The following CSMD1 variants were observed in gnomAD, a reference collection of about 807,000 sequenced individuals.
The protein encoded by CSMD1 is CUB and Sushi multiple domains 1, also known as CUB and sushi domain-containing protein 1.
Under a neutral mutation model 417.5 loss-of-function variants are expected in CSMD1, and 213 were observed. That is an observed-to-expected ratio of 0.51 (90% CI 0.46 to 0.57). The LOEUF (loss-of-function observed/expected upper bound fraction) is 0.57, where lower values mean the gene tolerates loss of function less well. CSMD1 is among the 20% of genes least tolerant of loss of function. The pLI is 0.00. For missense variants in CSMD1, 6,923 were observed against 4,529.7 expected, an observed-to-expected ratio of 1.53 and a Z score of -15.17; for synonymous variants, 2,862 against 1,736.8, an observed-to-expected ratio of 1.65 and a Z score of -16.11.
chr8:4,189,863 G>C (rs373173997), intron 3 of CSMD1, among the ~76,000 whole-genome samples: 2 of 151,974 alleles, frequency 1.3e-5, no homozygotes, highest in East Asian at 1.9e-4. Context: ...ATTTTTTGTG[G>C]TACGTAATAC....
intron 52 of CSMD1, among the ~76,000 whole-genome samples, chr8:3,010,928 A>G (rs1457282701): frequency 1.3e-5 from 2 of 151,658 alleles, no homozygotes; most frequent in Non-Finnish European, 2.9e-5. Flanking sequence ...AGGTTTCACT[A>G]TGTTGGCCAG....
At chr8:4,338,294 T>C (rs1800287398) in intron 3 of CSMD1, among the ~76,000 whole-genome samples, 2 of 152,158 alleles carry the variant, frequency 1.3e-5, no homozygotes, top group Non-Finnish European at 2.9e-5. Flanking sequence ...AATGCAGTAG[T>C]TGAATATAGT....
chr8:3,145,864 A>T (rs1186508634), intron 40 of CSMD1, among the ~76,000 whole-genome samples: 3 of 152,192 alleles, frequency 2.0e-5, no homozygotes, highest in Non-Finnish European at 4.4e-5. Flanking sequence ...TCCCATTGGG[A>T]TTACATATTG....
intron 1 of CSMD1, among the ~76,000 whole-genome samples, chr8:4,907,550 C>G (rs200414130): frequency 1.5e-3 from 42 of 28,050 alleles, no homozygotes; most frequent in Non-Finnish European, 2.7e-3. Context: ...GTTTGTGTTT[C>G]TTTTTGTTGT....
intron 4 of CSMD1, among the ~76,000 whole-genome samples, chr8:4,026,169 A>G (rs79795465): frequency 1.3e-5 from 2 of 152,208 alleles, no homozygotes. Context: ...TTACACATTT[A>G]CAAGAATTAG....
chr8:3,212,361 A>G (rs1372276486), intron 30 of CSMD1, among the ~76,000 whole-genome samples: 1 of 152,118 alleles, frequency 6.6e-6, no homozygotes, highest in African/African-American at 2.4e-5. Flanking sequence ...AACACAAAAA[A>G]TAACGTTCTT....
At chr8:3,490,984 G>A (rs1002240732) in intron 11 of CSMD1, among the ~76,000 whole-genome samples, 1 of 152,064 alleles carries the variant, frequency 6.6e-6, no homozygotes, top group Non-Finnish European at 1.5e-5. Flanking sequence ...TTTTCAGGGG[G>A]GATAATTGGA....
intron 7 of CSMD1, among the ~76,000 whole-genome samples, chr8:3,626,251 A>T (rs1304825231): frequency 6.6e-6 from 1 of 152,162 alleles, no homozygotes; most frequent in Non-Finnish European, 1.5e-5. Flanking sequence ...AGGGCCTGTC[A>T]TTTCTGCTCT....
At chr8:3,404,193 G>C (rs1016021156) in intron 15 of CSMD1, among the ~76,000 whole-genome samples, 3 of 152,128 alleles carry the variant, frequency 2.0e-5, no homozygotes, top group African/African-American at 7.2e-5. Context: ...AATTAGCCAG[G>C]CGTGGTGGCA....
chr8:3,167,751 C>T (rs1369121620), intron 37 of CSMD1, among the ~76,000 whole-genome samples: 1 of 152,196 alleles, frequency 6.6e-6, no homozygotes, highest in Non-Finnish European at 1.5e-5. Flanking sequence ...TTAATGGCTT[C>T]ACCTACCACT....
In CSMD1 at chr8:3,511,631, G is replaced by A. The variant is rs560212863; in HGVS notation, c.1345-17905C>T. On this transcript the variant is annotated intron_variant, in intron 10 of 69. Coordinates refer to ENST00000635120, the MANE Select transcript of CSMD1 (RefSeq NM_033225.6). ...AGATTAGCTGGGCATGGTAGCAGAT[G>A]TCTGTGATCCCAGCTACTCAGGAGG... 1.2e-3 allele frequency among the ~76,000 whole-genome samples: 175 copies of A among 151,398 alleles called. 8 individuals are homozygous for A. Among genetic ancestry groups the A allele is most frequent in the African/African-American group, 4.0e-3 (162 of 40,826 alleles).
chr8:3,068,230 T>C (rs1042627810), intron 49 of CSMD1, among the ~76,000 whole-genome samples: 1 of 152,216 alleles, frequency 6.6e-6, no homozygotes, highest in Non-Finnish European at 1.5e-5. Context: ...ACTTTCTTCA[T>C]AGATTTGCTC....
chr8:3,311,871 C>G (rs1053559937), intron 23 of CSMD1, among the ~76,000 whole-genome samples: 8 of 152,226 alleles, frequency 5.3e-5, no homozygotes, highest in Admixed American at 3.9e-4. Flanking sequence ...TAGTTTATAG[C>G]CATAAGCTCT....
Position 4,652,955 on chromosome 8 carries a change from G to C in CSMD1, c.86-15397C>G, listed in dbSNP as rs550744746. Among the ~76,000 whole-genome samples the C allele has an allele frequency of 7.2e-5, 11 of 152,152 alleles. No homozygotes were observed. In the South Asian group the frequency reaches 2.3e-3, roughly 32 times the overall value. Reference sequence around the variant, plus strand: ...TAATGTGAGTGATAGGGAGTGGCTGGAAATACAAGCAAAGCTTCCCTTGCT... The same window carrying C: ...TAATGTGAGTGATAGGGAGTGGCTGCAAATACAAGCAAAGCTTCCCTTGCT... On this transcript the variant is annotated intron_variant, in intron 1 of 69. Coordinates refer to ENST00000635120, the MANE Select transcript of CSMD1 (RefSeq NM_033225.6).
At chr8:3,726,645 T>A (rs922806697) in intron 6 of CSMD1, among the ~76,000 whole-genome samples, 1 of 152,158 alleles carries the variant, frequency 6.6e-6, no homozygotes, top group African/African-American at 2.4e-5. Context: ...TTTTTTATGT[T>A]CCATCATACA....
intron 7 of CSMD1, among the ~76,000 whole-genome samples, chr8:3,643,186 A>G (rs1473822727): frequency 2.0e-5 from 3 of 152,104 alleles, no homozygotes; most frequent in African/African-American, 7.2e-5. Context: ...CAGGAAGCTC[A>G]GGGAAAACCA....
chr8:3,197,495 T>A lies in CSMD1; in HGVS notation c.5194+2219A>T, dbSNP rs371360335. On this transcript the variant is annotated intron_variant, in intron 33 of 69. Coordinates refer to ENST00000635120, the MANE Select transcript of CSMD1 (RefSeq NM_033225.6). ...TTTTTTTTTTTTTTGAGACGGAGTC[T>A]CGCTCTGTCACCCAGGCTGGAGTGC... 6.2e-3 allele frequency among the ~76,000 whole-genome samples: 924 copies of A among 147,952 alleles called. 11 individuals are homozygous for A. The highest frequency in any genetic ancestry group is 0.021 in the African/African-American group (853 of 40,252).
intron 3 of CSMD1, among the ~76,000 whole-genome samples, chr8:4,144,398 C>G (rs895427787): frequency 2.0e-5 from 3 of 151,142 alleles, no homozygotes; most frequent in African/African-American, 7.4e-5. Context: ...TTTATCTTTT[C>G]TGTTTTGCCA....
intron 1 of CSMD1, among the ~76,000 whole-genome samples, chr8:4,719,002 G>A (rs1385011546): frequency 1.3e-5 from 2 of 152,040 alleles, no homozygotes; most frequent in Admixed American, 6.5e-5. Flanking sequence ...ATGTAGGTAT[G>A]AGAAAAAAGG....
Sources: gnomAD v4.1 joint callset for allele counts (sites outside exome capture counted in the v4.1 genomes callset) on GRCh38, gnomAD v4.1.1 for gene constraint, MANE v1.5 for transcripts, NCBI Gene and HGNC (gene_info 2026-07-23, HGNC 2026-07-21) for gene names.